The following ZNF366 variants were observed in gnomAD, a reference collection of about 807,000 sequenced individuals.
The protein encoded by ZNF366 is dendritic cell-specific transcript protein.
Under a neutral mutation model 47.2 loss-of-function variants are expected in ZNF366, and 20 were observed. The observed-to-expected ratio is 0.42, with a 90% CI of 0.30 to 0.62. ZNF366 has a LOEUF of 0.62. Ranked by LOEUF, ZNF366 falls within the 20% of genes least tolerant of loss-of-function variation. The pLI is 0.16. For synonymous variants in ZNF366, 421 were observed against 395.1 expected, an observed-to-expected ratio of 1.07 and a Z score of -0.78; for missense variants, 987 against 976.3, an observed-to-expected ratio of 1.01 and a Z score of -0.15.
At chr5:72,488,446 C>G (rs1221354887) in intron 1 of ZNF366, among the ~76,000 whole-genome samples, 1 of 152,048 alleles carries the variant, frequency 6.6e-6, no homozygotes, top group Non-Finnish European at 1.5e-5. Flanking sequence ...GCAGCCTTAC[C>G]AAAGTAAGAG....
Position 72,454,490 on chromosome 5 carries a change from T to C in ZNF366, c.1524+1914A>G, listed in dbSNP as rs76438616. On this transcript the variant is annotated intron_variant, in intron 3 of 4. Transcript: ENST00000318442. The stretch of plus-strand genomic sequence containing the variant: ...GGCTTTGCCCCCTGACCTAACCCTA[T>C]ATTTCAGGAACGTTTTCTGCCTGGT... Among the ~76,000 whole-genome samples the C allele has an allele frequency of 4.0e-4, 61 of 152,314 alleles. No homozygotes were observed. In the East Asian group the frequency reaches 8.7e-3, roughly 22 times the overall value.
At chr5:72,472,879 C>T (rs765265095) in intron 1 of ZNF366, among the ~76,000 whole-genome samples, 11 of 152,126 alleles carry the variant, frequency 7.2e-5, no homozygotes, top group Admixed American at 3.3e-4. Context: ...TAGAACCACA[C>T]AATATCAAAG....
At chr5:72,451,237 C>T (rs1743064165) in intron 3 of ZNF366, among the ~76,000 whole-genome samples, 5 of 152,378 alleles carry the variant, frequency 3.3e-5, no homozygotes, top group African/African-American at 7.2e-5. Flanking sequence ...CCCGCTTGAC[C>T]TCTCGGTCAC....
In ZNF366 at chr5:72,446,776, G is replaced by A. The variant is rs147832760; in HGVS notation, c.1699+467C>T. 5.0e-3 allele frequency among the ~76,000 whole-genome samples: 761 copies of A among 152,268 alleles called. 8 individuals are homozygous for A. Among genetic ancestry groups the A allele is most frequent in the African/African-American group, 0.017 (700 of 41,552 alleles). ...TTTCTAAAAAGGAAAGAAAAATTGC[G>A]TGCCCATTCACAGCAAAGTCATGAA... is the stretch of plus-strand genomic sequence containing the variant. On this transcript the variant is annotated intron_variant, in intron 4 of 4. Transcript: ENST00000318442.
intron 1 of ZNF366, among the ~76,000 whole-genome samples, chr5:72,462,197 A>G (rs949162659): frequency 4.6e-5 from 7 of 152,212 alleles, no homozygotes; most frequent in Non-Finnish European, 8.8e-5. Flanking sequence ...TGACATAAAC[A>G]TGATTTTAAA....
chr5:72,445,103 C>T (rs879341771), intron 4 of ZNF366, among the ~76,000 whole-genome samples: 2 of 152,218 alleles, frequency 1.3e-5, no homozygotes, highest in Non-Finnish European at 2.9e-5. Flanking sequence ...AAGAGGTCCT[C>T]TGAGGAGCTC....
At chr5:72,472,420 A>G in intron 1 of ZNF366, 1 of 220,534 alleles carries the variant, frequency 4.5e-6, no homozygotes, top group Non-Finnish European at 7.7e-6. Context: ...ATGAAGGACT[A>G]TCTTTGGATG....
chr5:72,490,214 C>G (rs1743977848), intron 1 of ZNF366, among the ~76,000 whole-genome samples: 1 of 152,160 alleles, frequency 6.6e-6, no homozygotes, highest in Non-Finnish European at 1.5e-5. Flanking sequence ...ATTTAATAAC[C>G]TAGTCAATTA....
intron 1 of ZNF366, 58 bp from the exon 2 acceptor site, chr5:72,461,568 T>G (rs1743314634): frequency 5.3e-6 from 8 of 1,509,984 alleles, no homozygotes; most frequent in Non-Finnish European, 7.1e-6. Flanking sequence ...ATTCTCTTTT[T>G]CCTTAAGGAT....
intron 1 of ZNF366, chr5:72,472,542 C>T: frequency 3.0e-6 from 3 of 985,314 alleles, no homozygotes; most frequent in Non-Finnish European, 3.6e-6. Flanking sequence ...TTAGGCTGAC[C>T]TTCAATTAAC....
At chr5:72,476,736 G>T (rs1743680939) in intron 1 of ZNF366, among the ~76,000 whole-genome samples, 1 of 152,152 alleles carries the variant, frequency 6.6e-6, no homozygotes. Flanking sequence ...CCATTTGTAT[G>T]CATGTGAGCC....
At position 72,441,299 on chromosome 5, in the gene ZNF366, A is replaced by T. The variant is rs1742850605; in HGVS notation, c.*2457T>A. ...CGTGTGGTCAAACACAGCACATAGT[A>T]GGTCCTCAACACATGGCCGCAGTGT... On this transcript the variant is annotated 3_prime_UTR_variant, in exon 5 of 5. Transcript: ENST00000318442. 6.6e-6 allele frequency: 1 copy of T among 152,250 alleles called. No homozygotes were observed. The highest frequency in any genetic ancestry group is 2.1e-4 in the South Asian group (1 of 4,832). The allele number at this position is 152,250 out of a possible 1,614,324, so 9.4% of individuals were successfully genotyped here. A position where few individuals can be genotyped will look rare whatever the true frequency, so the allele number is the denominator to read the frequency against.
chr5:72,444,320 C>T, intron 4 of ZNF366, 29 bp from the exon 5 acceptor site: 1 of 1,578,120 alleles, frequency 6.3e-7, no homozygotes. Context: ...AATTCATGCA[C>T]CTGAGGAAAT....
chr5:72,484,781 A>G (rs868546450), intron 1 of ZNF366, among the ~76,000 whole-genome samples: 3 of 152,336 alleles, frequency 2.0e-5, no homozygotes, highest in Middle Eastern at 3.4e-3. Context: ...ACCCAGCCCC[A>G]TCACACTTCC....
chr5:72,481,897 G>T (rs529324695), intron 1 of ZNF366, among the ~76,000 whole-genome samples: 1 of 152,278 alleles, frequency 6.6e-6, no homozygotes, highest in South Asian at 2.1e-4. Flanking sequence ...AGAATGTTTA[G>T]TGCATGGGAA....
chr5:72,458,819 G>T (rs557959083), intron 2 of ZNF366, among the ~76,000 whole-genome samples: 1 of 152,316 alleles, frequency 6.6e-6, no homozygotes, highest in Admixed American at 6.5e-5. Flanking sequence ...TCATTAAAGT[G>T]TATTTTGTTT....
chr5:72,470,356 T>C (rs1171898132), intron 1 of ZNF366, among the ~76,000 whole-genome samples: 1 of 152,192 alleles, frequency 6.6e-6, no homozygotes, highest in Non-Finnish European at 1.5e-5. Context: ...GTATCCGCCA[T>C]ATTGCTGCAA....
At chr5:72,476,413 T>G (rs1416002571) in intron 1 of ZNF366, among the ~76,000 whole-genome samples, 2 of 152,128 alleles carry the variant, frequency 1.3e-5, no homozygotes, top group Non-Finnish European at 2.9e-5. Flanking sequence ...TCAGTGAATC[T>G]CTGTTCGATG....
At chr5:72,491,494 G>A (rs1744007687) in intron 1 of ZNF366, among the ~76,000 whole-genome samples, 1 of 152,170 alleles carries the variant, frequency 6.6e-6, no homozygotes, top group Non-Finnish European at 1.5e-5. Context: ...TGGGAGTCAG[G>A]CACCCCCGGG....
Sources: gnomAD v4.1 joint callset for allele counts (sites outside exome capture counted in the v4.1 genomes callset) on GRCh38, gnomAD v4.1.1 for gene constraint, MANE v1.5 for transcripts, NCBI Gene and HGNC (gene_info 2026-07-23, HGNC 2026-07-21) for gene names.